Variants in SMYD3 observed in about 807,000 individuals in gnomAD.
SMYD3 encodes the protein SET and MYND domain containing 3, also known as histone-lysine N-methyltransferase SMYD3.
A neutral mutation model predicts 57.7 loss-of-function variants in SMYD3; 36 were observed. The observed-to-expected ratio is 0.62, with a 90% CI of 0.48 to 0.82. The LOEUF is 0.82. Ranked by LOEUF, SMYD3 falls within the 40% of genes least tolerant of loss-of-function variation. SMYD3 has a pLI of 0.00. For missense variants in SMYD3, 515 were observed against 538.8 expected (o/e 0.96, Z 0.44); for synonymous variants, 211 against 195.0 (o/e 1.08, Z -0.68).
chr1:245,801,826 AC>A (rs1326710360), intron 10 of SMYD3, among the ~76,000 whole-genome samples: 1 of 152,156 alleles, frequency 6.6e-6, no homozygotes, highest in African/African-American at 2.4e-5. Flanking sequence ...CTTTAAAAAA[AC>A]AAAACAAAAC....
At chr1:245,959,121 C>CA (rs2057932670) in intron 5 of SMYD3, among the ~76,000 whole-genome samples, 1 of 150,014 alleles carries the variant, frequency 6.7e-6, no homozygotes, top group East Asian at 2.0e-4. Flanking sequence ...TGGAGTTTCT[C>CA]AAAAAACAAA....
At chr1:246,095,007 G>T (rs915406311) in intron 5 of SMYD3, among the ~76,000 whole-genome samples, 1 of 152,028 alleles carries the variant, frequency 6.6e-6, no homozygotes, top group Non-Finnish European at 1.5e-5. Context: ...GTGACGTCTT[G>T]ATCCTCTTCT....
intron 5 of SMYD3, among the ~76,000 whole-genome samples, chr1:245,958,794 A>G (rs2057922169): frequency 6.6e-6 from 1 of 152,246 alleles, no homozygotes. Flanking sequence ...TGGGACAGAA[A>G]TCAAAGGGTA....
At chr1:245,931,645 G>C (rs2056727534) in intron 5 of SMYD3, among the ~76,000 whole-genome samples, 1 of 152,174 alleles carries the variant, frequency 6.6e-6, no homozygotes, top group Non-Finnish European at 1.5e-5. Context: ...ACAAAAAAAG[G>C]AGAAGAGGCT....
chr1:246,109,341 T>C (rs2061187168), intron 5 of SMYD3, among the ~76,000 whole-genome samples: 1 of 152,232 alleles, frequency 6.6e-6, no homozygotes. Context: ...CATTACCATA[T>C]AACTGGACCA....
intron 5 of SMYD3, among the ~76,000 whole-genome samples, chr1:245,971,135 G>A (rs902303963): frequency 8.5e-5 from 13 of 152,098 alleles, no homozygotes; most frequent in East Asian, 3.9e-4. Flanking sequence ...GGATAAGTTC[G>A]TGTCCTTTGC....
intron 5 of SMYD3, among the ~76,000 whole-genome samples, chr1:246,129,429 G>T (rs2061555213): frequency 6.6e-6 from 1 of 151,694 alleles, no homozygotes; most frequent in African/African-American, 2.4e-5. Context: ...TAGAAATTAA[G>T]AATAGAGTAA....
intron 5 of SMYD3, among the ~76,000 whole-genome samples, chr1:246,133,088 A>T (rs1272973694): frequency 6.6e-6 from 1 of 152,052 alleles, no homozygotes; most frequent in Non-Finnish European, 1.5e-5. Flanking sequence ...GGCATTTCTT[A>T]AAAAAACATA....
In SMYD3 at chr1:246,202,725, T is replaced by C. The variant is rs12076158; in HGVS notation, c.531+124476A>G. On this transcript the variant is annotated intron_variant, in intron 5 of 11. Transcript: ENST00000490107. The surrounding 1 kb of genome is among the most constrained non-coding windows in gnomAD (Gnocchi z 4.1). ...AAATCCTTTTCCATTCAATACATTA[T>C]GATACCTGCTTATGCATAAGCCTAA... 0.044 allele frequency among the ~76,000 whole-genome samples: 6,751 copies of C among 152,330 alleles called. 509 individuals are homozygous for C. Among genetic ancestry groups the C allele is most frequent in the African/African-American group, 0.15 (6,417 of 41,546 alleles).
intron 5 of SMYD3, among the ~76,000 whole-genome samples, chr1:246,316,169 C>G (rs1040497528): frequency 6.6e-6 from 1 of 152,110 alleles, no homozygotes; most frequent in Non-Finnish European, 1.5e-5. Flanking sequence ...CACAATATTT[C>G]TAATAGAAAA....
chr1:246,370,949 A>C (rs2148730259), intron 1 of SMYD3, among the ~76,000 whole-genome samples: 1 of 152,378 alleles, frequency 6.6e-6, no homozygotes, highest in Middle Eastern at 3.4e-3. Context: ...CTGACTTCAA[A>C]GTGGTCTAAT....
At chr1:245,842,500 T>C (rs1410158589) in intron 10 of SMYD3, among the ~76,000 whole-genome samples, 1 of 152,078 alleles carries the variant, frequency 6.6e-6, no homozygotes, top group Non-Finnish European at 1.5e-5. Context: ...AAACCACTAC[T>C]CAACAGGAAG....
intron 8 of SMYD3, among the ~76,000 whole-genome samples, chr1:245,904,665 C>T (rs1423049406): frequency 6.6e-6 from 1 of 152,088 alleles, no homozygotes; most frequent in Non-Finnish European, 1.5e-5. Context: ...GCAGTCTAGG[C>T]CATAACGACT....
chr1:246,507,028 G>T, intron 1 of SMYD3, 26 bp downstream of exon 1: 1 of 1,464,020 alleles, frequency 6.8e-7, no homozygotes. Flanking sequence ...TCGCGACTCA[G>T]GTAGGCGAGG....
chr1:246,482,946 C>G (rs1179467684), intron 1 of SMYD3, among the ~76,000 whole-genome samples: 1 of 152,112 alleles, frequency 6.6e-6, no homozygotes, highest in Non-Finnish European at 1.5e-5. Flanking sequence ...GCAGATCTCT[C>G]AAGGGGATGA....
chr1:246,437,809 C>T (rs780928991), intron 1 of SMYD3, among the ~76,000 whole-genome samples: 1 of 152,072 alleles, frequency 6.6e-6, no homozygotes. Flanking sequence ...CTCATTATTT[C>T]CATAACAATA....
At chr1:246,181,871 A>C (rs2062556964) in intron 5 of SMYD3, among the ~76,000 whole-genome samples, 1 of 152,212 alleles carries the variant, frequency 6.6e-6, no homozygotes, top group Non-Finnish European at 1.5e-5. Context: ...GAATTCTAAC[A>C]CTAGCATACT....
At chr1:245,926,058 A>G (rs1055502067) in intron 7 of SMYD3, among the ~76,000 whole-genome samples, 2 of 152,204 alleles carry the variant, frequency 1.3e-5, no homozygotes, top group African/African-American at 4.8e-5. Flanking sequence ...TTGCTGCCTG[A>G]TAACATGGCA....
chr1:246,318,112 G>C (rs577027376), intron 5 of SMYD3, among the ~76,000 whole-genome samples: 1 of 152,298 alleles, frequency 6.6e-6, no homozygotes, highest in African/African-American at 2.4e-5. Flanking sequence ...GCCAGCTGTA[G>C]TGGCTCATGT....
Sources: gnomAD v4.1 joint callset for allele counts (sites outside exome capture counted in the v4.1 genomes callset) on GRCh38, gnomAD v4.1.1 for gene constraint, Gnocchi (gnomAD v3.1) non-coding constraint, MANE v1.5 for transcripts, NCBI Gene and HGNC (gene_info 2026-07-23, HGNC 2026-07-21) for gene names.